The following ADAMTS6 variants were observed in gnomAD, a reference collection of about 807,000 sequenced individuals.
ADAMTS6 encodes ADAM metallopeptidase with thrombospondin type 1 motif 6.
In ADAMTS6, 23 loss-of-function variants were observed where a neutral mutation model predicts 144.3. The observed-to-expected ratio is 0.16, with a 90% CI of 0.11 to 0.23. The LOEUF (loss-of-function observed/expected upper bound fraction) is 0.23, where lower values mean the gene tolerates loss of function less well. Ranked by LOEUF, ADAMTS6 falls within the 10% of genes least tolerant of loss-of-function variation. The pLI is 1.00. For missense variants in ADAMTS6, 999 were observed against 1,379.6 expected, an observed-to-expected ratio of 0.72 and a Z score of 4.37; for synonymous variants, 444 against 457.5, an observed-to-expected ratio of 0.97 and a Z score of 0.38.
At chr5:65,401,360 A>G (rs553170111) in intron 7 of ADAMTS6, among the ~76,000 whole-genome samples, 2 of 152,190 alleles carry the variant, frequency 1.3e-5, no homozygotes, top group South Asian at 2.1e-4. Flanking sequence ...ATCAAACCCC[A>G]CAGATTAGGC....
At chr5:65,186,401 G>A (rs1754676876) in intron 22 of ADAMTS6, among the ~76,000 whole-genome samples, 1 of 152,122 alleles carries the variant, frequency 6.6e-6, no homozygotes, top group South Asian at 2.1e-4. Flanking sequence ...AAGCTTATGG[G>A]ATTCTTTCAT....
chr5:65,152,079 T>C, intron 24 of ADAMTS6, 134 bp from the exon 25 acceptor site: 1 of 611,794 alleles, frequency 1.6e-6, no homozygotes, highest in Non-Finnish European at 2.9e-6. Context: ...CCATGTGGTT[T>C]TTGTTTTTGT....
At chr5:65,241,450 C>T (rs1270896783) in intron 15 of ADAMTS6, among the ~76,000 whole-genome samples, 2 of 151,860 alleles carry the variant, frequency 1.3e-5, no homozygotes, top group Non-Finnish European at 2.9e-5. Context: ...AGGCTAGTCT[C>T]GAACTCCTGA....
rs778495478 is a variant in ADAMTS6, at chr5:65,224,932, G to C, written c.2183C>G (p.Pro728Arg). ...AIEGFFNDSL[P>R]RGGYMEVVQI... ...TCTCTCTACATACTCACCTCCCCTG[G>C]GCAGTGAATCATTGAAGAACCCTTC... is the stretch of plus-strand genomic sequence containing the variant. Residue 728 changes from proline to arginine, a missense_variant, in exon 17 of 25, where the codon CCC becomes CGC. Pro to Arg is a moderately radical substitution (Grantham distance 103). Transcript: ENST00000381055. 41 of 1,613,250 alleles carry C rather than the reference G, an allele frequency of 2.5e-5. No individual in the cohort carries two copies. Among genetic ancestry groups the C allele is most frequent in the Admixed American group, 3.3e-5 (2 of 59,816 alleles).
chr5:65,259,376 TCAAACAAACAAA>T (rs150243891), intron 14 of ADAMTS6, among the ~76,000 whole-genome samples: 183 of 149,738 alleles, frequency 1.2e-3, no homozygotes, highest in African/African-American at 4.2e-3. Flanking sequence ...AGGCTCTGTC[TCAAACAAACAAA>T]CAAACAAACA....
At chr5:65,301,394 T>C (rs192109743) in intron 9 of ADAMTS6, among the ~76,000 whole-genome samples, 15 of 152,246 alleles carry the variant, frequency 9.9e-5, no homozygotes, top group Admixed American at 8.5e-4. Context: ...GAGTGTAAAA[T>C]AGATGAGGAT....
chr5:65,420,230 A>C (rs1343237858), intron 7 of ADAMTS6, among the ~76,000 whole-genome samples: 1 of 152,114 alleles, frequency 6.6e-6, no homozygotes, highest in Non-Finnish European at 1.5e-5. Flanking sequence ...TGATTCAATT[A>C]CCTCCACCTG....
intron 18 of ADAMTS6, 55 bp downstream of exon 18, chr5:65,224,265 A>T (rs377075208): frequency 7.0e-7 from 1 of 1,428,908 alleles, no homozygotes; most frequent in African/African-American, 1.4e-5. Flanking sequence ...ATACTGTGCT[A>T]CTTTTCCTCA....
chr5:65,177,042 G>C (rs1754022476), intron 22 of ADAMTS6, among the ~76,000 whole-genome samples: 1 of 152,126 alleles, frequency 6.6e-6, no homozygotes, highest in African/African-American at 2.4e-5. Context: ...AGAATTTCCA[G>C]TAAACCAGCA....
chr5:65,398,781 C>CGAGAAAGAAAGAAAGA (rs1156386169), intron 7 of ADAMTS6, among the ~76,000 whole-genome samples: 2 of 106,904 alleles, frequency 1.9e-5, no homozygotes, highest in Non-Finnish European at 3.9e-5. Context: ...GAAGAGAGAG[C>CGAGAAAGAAAGAAAGA]AAGAAAGAAA....
intron 7 of ADAMTS6, among the ~76,000 whole-genome samples, chr5:65,449,580 C>T (rs1758576802): frequency 6.6e-6 from 1 of 152,008 alleles, no homozygotes; most frequent in African/African-American, 2.4e-5. Context: ...GAGATCACGC[C>T]ACTGCACTCC....
chr5:65,341,588 G>A (rs1747830170), intron 7 of ADAMTS6, among the ~76,000 whole-genome samples: 1 of 152,026 alleles, frequency 6.6e-6, no homozygotes, highest in African/African-American at 2.4e-5. Context: ...CAATAAATGT[G>A]AAAACCTAGA....
chr5:65,155,948 T>C (rs1752389791), intron 24 of ADAMTS6, among the ~76,000 whole-genome samples: 1 of 152,212 alleles, frequency 6.6e-6, no homozygotes, highest in South Asian at 2.1e-4. Context: ...GAATTATCCC[T>C]TTATACTTTT....
In ADAMTS6 at chr5:65,448,999, G is replaced by A. The variant is rs186580414; in HGVS notation, c.1073+2476C>T. Reference sequence around the variant, plus strand: ...CAAAATAAAAAATATATAAGAGAGAGTCCAACACTGGTACCTCTCCTCTGA... The same window carrying A: ...CAAAATAAAAAATATATAAGAGAGAATCCAACACTGGTACCTCTCCTCTGA... On this transcript the variant is annotated intron_variant, in intron 7 of 24. Coordinates refer to ENST00000381055, the MANE Select transcript of ADAMTS6 (RefSeq NM_197941.4). 9.9e-5 allele frequency among the ~76,000 whole-genome samples: 15 copies of A among 152,156 alleles called. 1 individual carries two copies. The highest frequency in any genetic ancestry group is 4.6e-4 in the Admixed American group (7 of 15,296).
intron 7 of ADAMTS6, among the ~76,000 whole-genome samples, chr5:65,409,541 A>G (rs1161007210): frequency 5.3e-5 from 8 of 152,060 alleles, no homozygotes; most frequent in Non-Finnish European, 1.2e-4. Context: ...AGGACCAGAC[A>G]GATTCACAGC....
intron 7 of ADAMTS6, among the ~76,000 whole-genome samples, chr5:65,337,845 T>C (rs1747450289): frequency 6.6e-6 from 1 of 152,160 alleles, no homozygotes; most frequent in Admixed American, 6.5e-5. Flanking sequence ...CAAAGAAAAA[T>C]AATGCAAGGA....
chr5:65,366,675 T>C (rs1750335565), intron 7 of ADAMTS6, among the ~76,000 whole-genome samples: 1 of 152,220 alleles, frequency 6.6e-6, no homozygotes, highest in Non-Finnish European at 1.5e-5. Context: ...AGATTCTTAC[T>C]AACTGTTCAT....
At chr5:65,151,971 A>G (rs202190595) in intron 24 of ADAMTS6, 26 bp from the exon 25 acceptor site, 2 of 1,585,732 alleles carry the variant, frequency 1.3e-6, no homozygotes, top group East Asian at 4.5e-5. Flanking sequence ...AGAAAATGGA[A>G]AACAATTAGA....
intron 7 of ADAMTS6, among the ~76,000 whole-genome samples, chr5:65,448,789 A>T (rs1758492548): frequency 6.6e-6 from 1 of 152,028 alleles, no homozygotes; most frequent in Non-Finnish European, 1.5e-5. Context: ...CATTCTCCCT[A>T]GTAAGGTGAC....
Sources: gnomAD v4.1 joint callset for allele counts (sites outside exome capture counted in the v4.1 genomes callset) on GRCh38, gnomAD v4.1.1 for gene constraint, MANE v1.5 for transcripts, NCBI Gene and HGNC (gene_info 2026-07-23, HGNC 2026-07-21) for gene names.